Variants in FGFRL1 observed in about 807,000 individuals in gnomAD.
FGFRL1 encodes fibroblast growth factor receptor like 1, also known as fibroblast growth factor receptor-like 1.
In FGFRL1, 24 loss-of-function variants were observed where a neutral mutation model predicts 36.8. The observed-to-expected ratio is 0.65, with a 90% CI of 0.47 to 0.92. The LOEUF (loss-of-function observed/expected upper bound fraction) is 0.92, where lower values mean the gene tolerates loss of function less well. Ranked by LOEUF, FGFRL1 falls within the 40% of genes least tolerant of loss-of-function variation. FGFRL1 has a pLI of 0.00. For missense variants in FGFRL1, 785 were observed against 753.4 expected (o/e 1.04, Z -0.49); for synonymous variants, 422 against 344.1 (o/e 1.23, Z -2.50).
intron 3 of FGFRL1, among the ~76,000 whole-genome samples, chr4:1,022,757 G>C (rs1577568052): frequency 1.3e-5 from 2 of 152,308 alleles, no homozygotes; most frequent in Non-Finnish European, 1.5e-5. Flanking sequence ...CCCACAGAAG[G>C]GCTGGGGCCC....
In FGFRL1 at chr4:1,025,162, G is replaced by A. The variant is rs1024633571; in HGVS notation, c.1330G>A (p.Val444Met). The change falls in exon 7 of 7, where the codon GTG becomes ATG. Residue 444 changes from valine (V) to methionine (M), a missense_variant. Val to Met is a conservative substitution (Grantham distance 21). Transcript: ENST00000510644. ...GGCCGCCCTCAGCGCTGGCCCTGGTGTGGGGCTGTGTGAGGAGCATGGGTC... is the reference window on the plus strand; with the variant it reads ...GGCCGCCCTCAGCGCTGGCCCTGGTATGGGGCTGTGTGAGGAGCATGGGTC... The part of the protein sequence containing the change: ...SLAALSAGPG[V>M]GLCEEHGSPA... 5 of 1,610,530 alleles carry A rather than the reference G, an allele frequency of 3.1e-6. No individual in the cohort carries two copies. The Admixed American group carries it at 8.4e-5, about 27-fold the overall frequency.
In FGFRL1 at chr4:1,023,590, C is replaced by A. The variant is rs534084273; in HGVS notation, c.353-51C>A. 2.6e-6 allele frequency: 4 copies of A among 1,523,070 alleles called. No individual in the cohort carries two copies. In the African/African-American group the frequency reaches 5.5e-5, roughly 21 times the overall value. The allele number at this position is 1,523,070 out of a possible 1,614,324, so 94.3% of individuals were successfully genotyped here. On this transcript the variant is annotated intron_variant, in intron 3 of 6. Transcript: ENST00000510644. The surrounding 1 kb of genome is among the most constrained non-coding windows in gnomAD (Gnocchi z 6.0). Reference sequence around the variant, plus strand: ...AGGCCACGGGGGAGTTGGGGGAGCTCCTCAGGGCCCCCCTCACCTGCCCTC... The same window carrying A: ...AGGCCACGGGGGAGTTGGGGGAGCTACTCAGGGCCCCCCTCACCTGCCCTC...
intron 2 of FGFRL1, among the ~76,000 whole-genome samples, chr4:1,019,466 C>T (rs993697393): frequency 8.5e-5 from 13 of 152,324 alleles, no homozygotes; most frequent in African/African-American, 1.9e-4. Flanking sequence ...CCCTTGGTCC[C>T]GGGAGGCCCT....
intron 2 of FGFRL1, 151 bp downstream of exon 2, chr4:1,012,715 C>T (rs960470277): frequency 9.5e-6 from 4 of 418,896 alleles, no homozygotes; most frequent in Non-Finnish European, 1.7e-5. Context: ...TTCCAGGGCC[C>T]CCTCACCCAT....
At chr4:1,024,730 C>A (rs1209773217) in intron 6 of FGFRL1, 66 bp downstream of exon 6, 15 of 1,495,862 alleles carry the variant, frequency 1.0e-5, no homozygotes, top group Admixed American at 4.0e-5. Context: ...GCCCGGCGTC[C>A]CACCCACCGG....
Position 1,024,908 on chromosome 4 carries a change from C to T in FGFRL1, c.1076C>T (p.Pro359Leu), listed in dbSNP as rs1212304348. ...TCCTTTCCTCTCGCTCTTGCAGACC[C>T]AAAACCGCCAGGGCCACCTGTGGCC... ...RSAFLTVLPD[P>L]KPPGPPVASS... The change falls in exon 7 of 7, where the codon CCA (proline) becomes CTA (leucine). Residue 359 changes from proline (P) to leucine (L), a missense_variant. Transcript: ENST00000510644. 1.2e-5 allele frequency: 19 copies of T among 1,588,932 alleles called. No individual in the cohort carries two copies. Among genetic ancestry groups the T allele is most frequent in the Non-Finnish European group, 1.6e-5 (19 of 1,171,302 alleles).
rs1019896623 is a variant in FGFRL1 at position 1,026,830 on chromosome 4, A to G, written c.*1483A>G. On this transcript the variant is annotated 3_prime_UTR_variant, in exon 7 of 7. Coordinates refer to ENST00000510644, the MANE Select transcript of FGFRL1 (RefSeq NM_001004356.3). Reference sequence around the variant, plus strand: ...GCCCCAGATCTCTGTAATTTTATGTAGAGTTTGAGCTGAAGCCCCGTATAT... The same window carrying G: ...GCCCCAGATCTCTGTAATTTTATGTGGAGTTTGAGCTGAAGCCCCGTATAT... The G allele has an allele frequency of 4.4e-6, 2 of 455,350 alleles. No homozygotes were observed. The highest frequency in any genetic ancestry group is 8.8e-6 in the Non-Finnish European group (2 of 226,384). The allele number at this position is 455,350 out of a possible 1,614,324, so 28.2% of individuals were successfully genotyped here. A position where few individuals can be genotyped will look rare whatever the true frequency, so the allele number is the denominator to read the frequency against.
chr4:1,025,046 C>T lies in FGFRL1; in HGVS notation c.1214C>T (p.Pro405Leu), dbSNP rs768252857. The change falls in exon 7 of 7, where the codon CCG (proline) becomes CTG (leucine). Residue 405 changes from proline (P) to leucine (L), a missense_variant. By Grantham distance (98) the Pro-to-Leu change is moderately conservative. Transcript: ENST00000510644. ...TGGCTTTGCCAGGCCCAGAAGAAGC[C>T]GTGCACCCCCGCGCCTGCCCCTCCC... ...LLWLCQAQKK[P>L]CTPAPAPPLP... 22 of 1,610,328 alleles carry T rather than the reference C, an allele frequency of 1.4e-5. No individual in the cohort carries two copies. The highest frequency in any genetic ancestry group is 4.0e-5 in the African/African-American group (3 of 74,894).
chr4:1,017,592 C>T (rs1171780892), intron 2 of FGFRL1, among the ~76,000 whole-genome samples: 2 of 152,210 alleles, frequency 1.3e-5, no homozygotes, highest in African/African-American at 4.8e-5. Context: ...ATACCACTGG[C>T]CTGGGCTGTA....
intron 2 of FGFRL1, among the ~76,000 whole-genome samples, chr4:1,015,072 T>C (rs1340947267): frequency 1.6e-5 from 1 of 63,940 alleles, no homozygotes; most frequent in East Asian, 3.6e-4. Context: ...AGCCCTGGCT[T>C]GCCCAGCCCT....
In FGFRL1 at chr4:1,023,750, C is replaced by A; in HGVS notation, c.433+29C>A. ...AGCAGGGGGTGACGGGGGTGGGGGGCGTCCGTCTGTCCCGGCCCCTTGGCT... is the reference window on the plus strand; with the variant it reads ...AGCAGGGGGTGACGGGGGTGGGGGGAGTCCGTCTGTCCCGGCCCCTTGGCT... On this transcript the variant is annotated intron_variant, in intron 4 of 6. Transcript: ENST00000510644. The surrounding 1 kb of genome is among the most constrained non-coding windows in gnomAD (Gnocchi z 6.0). The A allele has an allele frequency of 6.5e-7, 1 of 1,548,298 alleles. No individual in the cohort carries two copies. The highest frequency in any genetic ancestry group is 8.7e-7 in the Non-Finnish European group (1 of 1,147,052).
At chr4:1,016,106 T>G (rs1446720529) in intron 2 of FGFRL1, among the ~76,000 whole-genome samples, 3 of 152,130 alleles carry the variant, frequency 2.0e-5, no homozygotes, top group Non-Finnish European at 4.4e-5. Flanking sequence ...GACCTGGTGG[T>G]GCCCGGTGTG....
rs370211317 is a variant in FGFRL1 at position 1,025,083 on chromosome 4, C to T, written c.1251C>T (p.His417=). The T allele has an allele frequency of 7.1e-5, 114 of 1,609,902 alleles. No individual in the cohort carries two copies. In the East Asian group the frequency reaches 1.5e-3, roughly 20 times the overall value. The change falls in exon 7 of 7, where the codon CAC becomes CAT. Residue 417 remains histidine (H), a synonymous_variant. Transcript: ENST00000510644. ...CGCCTGCCCCTCCCCTGCCTGGGCA[C>T]CGCCCGCCGGGGACGGCCCGCGACC... is the stretch of plus-strand genomic sequence containing the variant. ...TPAPAPPLPG[H]RPPGTARDRS...
At chr4:1,010,460 G>GC (rs1165501579), upstream of FGFRL1, among the ~76,000 whole-genome samples, 4 of 152,176 alleles carry the variant, frequency 2.6e-5, no homozygotes, top group East Asian at 5.8e-4. Context: ...GACAGCTGGC[G>GC]CCCCCCACGC....
At chr4:1,016,883 G>A (rs1049112598) in intron 2 of FGFRL1, among the ~76,000 whole-genome samples, 1 of 152,148 alleles carries the variant, frequency 6.6e-6, no homozygotes, top group African/African-American at 2.4e-5. Flanking sequence ...GGAGGGGACT[G>A]GGCCCTGGCA....
chr4:1,018,053 G>A (rs766410689), intron 2 of FGFRL1, among the ~76,000 whole-genome samples: 3 of 152,218 alleles, frequency 2.0e-5, no homozygotes, highest in Non-Finnish European at 4.4e-5. Flanking sequence ...CGGGGTGAGG[G>A]GTGTCGGAGA....
At position 1,011,737 on chromosome 4, in the gene FGFRL1, C is replaced by A; in HGVS notation, c.-234C>A. On this transcript the variant is annotated 5_prime_UTR_variant, in exon 1 of 7. Transcript: ENST00000510644. ...GCCCCCGGCCCCGCGGACTCGCCCC[C>A]GCCGCCTGCCCGGTCCGGGACCCCG... is the stretch of plus-strand genomic sequence containing the variant. 1 of 143,392 alleles carries A rather than the reference C, an allele frequency of 7.0e-6. No homozygotes were observed. The highest frequency in any genetic ancestry group is 1.9e-4 in the South Asian group (1 of 5,352). 8.9% of individuals were successfully genotyped at this position (143,392 alleles called of 1,614,324 possible).
At chr4:1,013,009 G>A (rs946401417) in intron 2 of FGFRL1, among the ~76,000 whole-genome samples, 1 of 152,204 alleles carries the variant, frequency 6.6e-6, no homozygotes, top group African/African-American at 2.4e-5. Context: ...AATATACTTG[G>A]TGTCTGGGAC....
rs148169986 is a variant in FGFRL1, at chr4:1,026,840, C to G, written c.*1493C>G. 45 of 455,356 alleles carry G rather than the reference C, an allele frequency of 9.9e-5. No individual in the cohort carries two copies. The highest frequency in any genetic ancestry group is 9.0e-4 in the African/African-American group (45 of 50,148). The allele number at this position is 455,356 out of a possible 1,614,324, so 28.2% of individuals were successfully genotyped here. A position where few individuals can be genotyped will look rare whatever the true frequency, so the allele number is the denominator to read the frequency against. On this transcript the variant is annotated 3_prime_UTR_variant, in exon 7 of 7. Transcript: ENST00000510644. ...TCTGTAATTTTATGTAGAGTTTGAG[C>G]TGAAGCCCCGTATATTTAATTTATT... is the stretch of plus-strand genomic sequence containing the variant.
Sources: allele counts gnomAD v4.1 joint callset (sites outside exome capture counted in the v4.1 genomes callset), GRCh38; gene constraint gnomAD v4.1.1; non-coding constraint Gnocchi (gnomAD v3.1); transcripts MANE v1.5; gene names NCBI Gene and HGNC (gene_info 2026-07-23, HGNC 2026-07-21).